The following LEMD3 variants were observed in gnomAD, a reference collection of about 807,000 sequenced individuals.
LEMD3 encodes inner nuclear membrane protein Man1.
LEMD3 carries 33 observed loss-of-function variants against 95.2 expected under a neutral mutation model. That is an observed-to-expected ratio of 0.35 (90% CI 0.26 to 0.46). The LOEUF is 0.46. Ranked by LOEUF, LEMD3 falls within the 20% of genes least tolerant of loss-of-function variation. LEMD3 has a pLI of 1.00. For synonymous variants in LEMD3, 525 were observed against 474.6 expected (o/e 1.11, Z -1.38); for missense variants, 1,210 against 1,192.8 (o/e 1.01, Z -0.21).
chr12:65,214,391 T>C (rs1314558646), intron 2 of LEMD3, among the ~76,000 whole-genome samples: 2 of 152,130 alleles, frequency 1.3e-5, no homozygotes, highest in Non-Finnish European at 1.5e-5. Context: ...AAGATAAAAT[T>C]GAGGCAAAAA....
chr12:65,174,211 T>A lies in LEMD3; in HGVS notation c.1522+3093T>A, dbSNP rs993376879. On this transcript the variant is annotated intron_variant, in intron 1 of 12. Coordinates refer to ENST00000308330, the MANE Select transcript of LEMD3 (RefSeq NM_014319.5). The stretch of plus-strand genomic sequence containing the variant: ...GAAACTTTTTCATCAATGCCCTATT[T>A]TTTTATTAATTAAATTGCTATAAGT... Among the ~76,000 whole-genome samples, 18 of 152,208 alleles carry A rather than the reference T, an allele frequency of 1.2e-4. 1 individual carries two copies. The highest frequency in any genetic ancestry group is 2.5e-4 in the Non-Finnish European group (17 of 68,032).
Position 65,238,779 on chromosome 12 carries a change from T to C in LEMD3, c.1886T>C (p.Val629Ala). ...TGGTGTCGTTTTCGACGTGCTTTTGTTACTGTAACTCACAGATTATTGTTG... is the reference window on the plus strand; with the variant it reads ...TGGTGTCGTTTTCGACGTGCTTTTGCTACTGTAACTCACAGATTATTGTTG... ...SFWCRFRRAFVTVTHRLLLLC... is the reference protein window; with the variant it reads ...SFWCRFRRAFATVTHRLLLLC... The change falls in exon 6 of 13, where the codon GTT (valine) becomes GCT (alanine). Residue 629 changes from valine (V) to alanine (A), a missense_variant. By Grantham distance (64) the Val-to-Ala change is moderately conservative (BLOSUM62 0). Transcript: ENST00000308330. The C allele has an allele frequency of 6.2e-7, 1 of 1,614,086 alleles. No individual in the cohort carries two copies. The highest frequency in any genetic ancestry group is 8.5e-7 in the Non-Finnish European group (1 of 1,179,980).
chr12:65,246,464 G>T lies in LEMD3; in HGVS notation c.*139G>T. ...TCTCTGAACGTTCCAGAAGTCTTAA[G>T]GTTCCAAAGGGATTTAGCAGTGAGG... On this transcript the variant is annotated 3_prime_UTR_variant, in exon 13 of 13. Coordinates refer to ENST00000308330, the MANE Select transcript of LEMD3 (RefSeq NM_014319.5). 1.4e-6 allele frequency: 1 copy of T among 723,484 alleles called. No homozygotes were observed. The highest frequency in any genetic ancestry group is 2.4e-6 in the Non-Finnish European group (1 of 417,800). The allele number at this position is 723,484 out of a possible 1,614,324, so 44.8% of individuals were successfully genotyped here.
Position 65,216,538 on chromosome 12 carries a change from C to G in LEMD3, c.1627+495C>G, listed in dbSNP as rs113641917. The stretch of plus-strand genomic sequence containing the variant: ...AGAGCTCTAAGGTAGTCAACTTGTC[C>G]GAAATGGGAATAATTTATTATAGAT... On this transcript the variant is annotated intron_variant, in intron 3 of 12. Transcript: ENST00000308330. Among the ~76,000 whole-genome samples the G allele has an allele frequency of 5.9e-5, 9 of 151,902 alleles. No homozygotes were observed. The South Asian group carries it at 6.2e-4, about 11-fold the overall frequency.
Position 65,240,013 on chromosome 12 carries a change from TG to T in LEMD3, c.2008del (p.Val670TrpfsTer2). 1 of 1,607,100 alleles carries T rather than the reference TG, an allele frequency of 6.2e-7. No individual in the cohort carries two copies. Among genetic ancestry groups the T allele is most frequent in the Non-Finnish European group, 8.5e-7 (1 of 1,173,760 alleles). On this transcript the variant is annotated frameshift_variant, in exon 7 of 13. Transcript: ENST00000308330. LOFTEE classifies it high-confidence loss of function. The stretch of plus-strand genomic sequence containing the variant: ...GAGGAAACAAGGCAGATGTATGATA[TG>T]GTGGTAAAGATTATAGGTATGATAT... The part of the protein sequence containing the change: ...EEEETRQMYD[M>X]VVKIIDVLRS...
intron 4 of LEMD3, among the ~76,000 whole-genome samples, chr12:65,233,898 G>C (rs1194059907): frequency 6.6e-6 from 1 of 152,226 alleles, no homozygotes; most frequent in East Asian, 1.9e-4. Flanking sequence ...GGGGGTATGC[G>C]TGAGTACACA....
At chr12:65,228,774 G>T (rs1280147086) in intron 4 of LEMD3, among the ~76,000 whole-genome samples, 1 of 152,158 alleles carries the variant, frequency 6.6e-6, no homozygotes, top group Admixed American at 6.5e-5. Context: ...TATACAATGT[G>T]TAATGATACA....
At chr12:65,203,156 T>A (rs966850295) in intron 1 of LEMD3, among the ~76,000 whole-genome samples, 1 of 152,182 alleles carries the variant, frequency 6.6e-6, no homozygotes, top group African/African-American at 2.4e-5. Flanking sequence ...TCTTTTCTAA[T>A]TTATGCATTC....
chr12:65,245,313 G>A, intron 10 of LEMD3: 1 of 123,638 alleles, frequency 8.1e-6, no homozygotes, highest in Non-Finnish European at 1.6e-5. Flanking sequence ...TTTTTTTTTT[G>A]TATTTTTAGT....
At chr12:65,218,358 G>A (rs118184322) in intron 3 of LEMD3, among the ~76,000 whole-genome samples, 194 bp from the exon 4 acceptor site, 2,900 of 151,978 alleles carry the variant, frequency 0.019, 41 homozygotes, top group Admixed American at 0.04. Flanking sequence ...ATTCTTACTG[G>A]AATTTCTTTG....
intron 1 of LEMD3, among the ~76,000 whole-genome samples, chr12:65,183,119 A>G (rs1471524102): frequency 6.6e-6 from 1 of 152,218 alleles, no homozygotes; most frequent in African/African-American, 2.4e-5. Flanking sequence ...ACCGTCCAGT[A>G]GAAATATAAG....
chr12:65,182,534 C>CT (rs1868938833), intron 1 of LEMD3, among the ~76,000 whole-genome samples: 1 of 152,106 alleles, frequency 6.6e-6, no homozygotes, highest in Non-Finnish European at 1.5e-5. Context: ...ACCTTTCAAG[C>CT]TGTCTGAGCA....
Position 65,246,258 on chromosome 12 carries a change from A to G in LEMD3, c.2669A>G (p.Lys890Arg). 6.2e-7 allele frequency: 1 copy of G among 1,613,444 alleles called. No homozygotes were observed. Among genetic ancestry groups the G allele is most frequent in the Non-Finnish European group, 8.5e-7 (1 of 1,179,458 alleles). ...TSNTPLKPSNKHMNSMSHLRL... is the reference protein window; with the variant it reads ...TSNTPLKPSNRHMNSMSHLRL... ...AACACTCCATTGAAGCCATCAAATA[A>G]ACATATGAACTCCATGTCTCATCTT... The change falls in exon 13 of 13, where the codon AAA (lysine) becomes AGA (arginine). Residue 890 changes from lysine to arginine, a missense_variant. By Grantham distance (26) the Lys-to-Arg change is conservative. This residue lies in a region of LEMD3 where 461 missense variants were observed against 569.8 expected (regional missense o/e 0.81). Transcript: ENST00000308330.
intron 4 of LEMD3, among the ~76,000 whole-genome samples, chr12:65,229,139 T>C (rs1277650659): frequency 1.3e-5 from 2 of 152,218 alleles, no homozygotes; most frequent in African/African-American, 2.4e-5. Context: ...AGTGAGAATA[T>C]ATGGTATTTG....
intron 1 of LEMD3, among the ~76,000 whole-genome samples, chr12:65,179,345 A>G (rs1344131177): frequency 6.6e-6 from 1 of 152,108 alleles, no homozygotes; most frequent in Non-Finnish European, 1.5e-5. Context: ...TATTTTCATG[A>G]TTCCTAAGAG....
At chr12:65,201,739 ATTTC>A (rs1317606604) in intron 1 of LEMD3, among the ~76,000 whole-genome samples, 1 of 151,930 alleles carries the variant, frequency 6.6e-6, no homozygotes, top group Non-Finnish European at 1.5e-5. Flanking sequence ...ACAAAGTTTT[ATTTC>A]TTCTTTCAAC....
chr12:65,228,272 A>G (rs1198541172), intron 4 of LEMD3, among the ~76,000 whole-genome samples: 1 of 152,222 alleles, frequency 6.6e-6, no homozygotes, highest in African/African-American at 2.4e-5. Context: ...ACTAGCAGCA[A>G]AAAAGTTACT....
chr12:65,243,161 T>C (rs1256794688), intron 9 of LEMD3, among the ~76,000 whole-genome samples: 1 of 152,186 alleles, frequency 6.6e-6, no homozygotes, highest in Non-Finnish European at 1.5e-5. Flanking sequence ...TTTTAAGGAC[T>C]TAATCACAGT....
intron 1 of LEMD3, among the ~76,000 whole-genome samples, chr12:65,183,438 A>G (rs894598802): frequency 6.6e-6 from 1 of 152,164 alleles, no homozygotes; most frequent in East Asian, 1.9e-4. Context: ...TTATTGGTTT[A>G]ATGAGACCTA....
Sources: gnomAD v4.1 joint callset for allele counts (sites outside exome capture counted in the v4.1 genomes callset) on GRCh38, gnomAD v4.1.1 for gene constraint, gnomAD v4.1.1 regional missense constraint, MANE v1.5 for transcripts, NCBI Gene and HGNC (gene_info 2026-07-23, HGNC 2026-07-21) for gene names.